The following EPHA6 variants were observed in gnomAD, a reference collection of about 807,000 sequenced individuals.
EPHA6 encodes the protein EPH receptor A6, also known as ephrin type-A receptor 6.
Under a neutral mutation model 112.0 loss-of-function variants are expected in EPHA6, and 50 were observed. The ratio of observed to expected loss-of-function variants is 0.45; its 90% CI spans 0.36 to 0.56. EPHA6 has a LOEUF of 0.56. EPHA6 is among the 20% of genes least tolerant of loss of function. EPHA6 has a pLI of 0.00. For synonymous variants in EPHA6, 529 were observed against 490.7 expected (o/e 1.08, Z -1.03); for missense variants, 1,280 against 1,417.4 (o/e 0.90, Z 1.56).
chr3:97,106,304 G>T (rs1354967248), intron 3 of EPHA6, among the ~76,000 whole-genome samples: 1 of 151,938 alleles, frequency 6.6e-6, no homozygotes, highest in African/African-American at 2.4e-5. Flanking sequence ...GGCAAACTCA[G>T]ACTGATTCAA....
intron 10 of EPHA6, among the ~76,000 whole-genome samples, chr3:97,496,880 C>A (rs760135066): frequency 3.3e-5 from 5 of 152,072 alleles, no homozygotes; most frequent in Non-Finnish European, 5.9e-5. Flanking sequence ...GTCATGAAAT[C>A]ATTATTTAGG....
intron 6 of EPHA6, among the ~76,000 whole-genome samples, chr3:97,426,856 G>C (rs1004224474): frequency 6.6e-6 from 1 of 151,890 alleles, no homozygotes; most frequent in Non-Finnish European, 1.5e-5. Flanking sequence ...CAGGCGAAAG[G>C]CAGCCTCATT....
intron 5 of EPHA6, among the ~76,000 whole-genome samples, chr3:97,277,623 A>G (rs115290735): frequency 0.031 from 4,733 of 152,304 alleles, 242 homozygotes; most frequent in African/African-American, 0.11. Context: ...ATAGCTTGTT[A>G]CTGTACTTAG....
intron 2 of EPHA6, among the ~76,000 whole-genome samples, chr3:96,962,660 C>G (rs2041987372): frequency 6.6e-6 from 1 of 150,562 alleles, no homozygotes; most frequent in African/African-American, 2.5e-5. Flanking sequence ...TTAGCTAAAA[C>G]AAATTAGCCT....
At chr3:97,172,257 G>A (rs1465972681) in intron 3 of EPHA6, among the ~76,000 whole-genome samples, 1 of 151,962 alleles carries the variant, frequency 6.6e-6, no homozygotes, top group Non-Finnish European at 1.5e-5. Context: ...CCTATTTTCT[G>A]TCTCCTCTGG....
chr3:96,940,581 G>A (rs1352601796), intron 2 of EPHA6, among the ~76,000 whole-genome samples: 1 of 152,162 alleles, frequency 6.6e-6, no homozygotes, highest in Non-Finnish European at 1.5e-5. Flanking sequence ...TTTAGTTGGA[G>A]CATTTAGTCC....
At chr3:96,828,056 G>T (rs986825039) in intron 1 of EPHA6, among the ~76,000 whole-genome samples, 1 of 151,870 alleles carries the variant, frequency 6.6e-6, no homozygotes, top group African/African-American at 2.4e-5. Context: ...TGAAACTTTC[G>T]CCAGTCTGTT....
chr3:97,592,577 G>T, intron 11 of EPHA6, 35 bp from the exon 12 acceptor site: 1 of 1,610,542 alleles, frequency 6.2e-7, no homozygotes, highest in Non-Finnish European at 8.5e-7. Context: ...CCATAAAGAA[G>T]ACTTTGATTA....
At chr3:97,439,457 A>G (rs2090025299) in intron 6 of EPHA6, 1 of 174,956 alleles carries the variant, frequency 5.7e-6, no homozygotes, top group African/African-American at 2.4e-5. Context: ...CCACCAAGGA[A>G]CTTCTTAACC....
chr3:97,586,631 A>G (rs2093490989), intron 11 of EPHA6, among the ~76,000 whole-genome samples: 1 of 152,258 alleles, frequency 6.6e-6, no homozygotes, highest in East Asian at 1.9e-4. Flanking sequence ...AGTAAGGATA[A>G]ATGAAATTAG....
intron 3 of EPHA6, among the ~76,000 whole-genome samples, chr3:97,030,644 T>C (rs2044795926): frequency 6.6e-6 from 1 of 151,854 alleles, no homozygotes. Flanking sequence ...GGTGCATAAT[T>C]ATTACCTCAT....
intron 3 of EPHA6, among the ~76,000 whole-genome samples, chr3:97,027,708 C>T (rs976642460): frequency 3.3e-5 from 5 of 152,154 alleles, no homozygotes; most frequent in Admixed American, 6.5e-5. Flanking sequence ...TTATAACAGT[C>T]TCAGTTCCTT....
intron 1 of EPHA6, among the ~76,000 whole-genome samples, chr3:96,855,683 GA>G (rs764764086): frequency 0.021 from 2,819 of 132,320 alleles, 83 homozygotes; most frequent in African/African-American, 0.07. Context: ...CTTTGAAAAT[GA>G]AAAAAAAAAA....
At chr3:96,975,978 T>C (rs1559636793) in intron 2 of EPHA6, among the ~76,000 whole-genome samples, 1 of 152,186 alleles carries the variant, frequency 6.6e-6, no homozygotes, top group Non-Finnish European at 1.5e-5. Context: ...GGAGTTGTAA[T>C]GTTTTGTATT....
intron 11 of EPHA6, among the ~76,000 whole-genome samples, chr3:97,549,816 TAATAA>T (rs547293946): frequency 7.9e-5 from 12 of 151,410 alleles, no homozygotes; most frequent in East Asian, 1.9e-4. Flanking sequence ...GTCTCCAAAA[TAATAA>T]AATAAAATAA....
intron 5 of EPHA6, among the ~76,000 whole-genome samples, chr3:97,303,569 C>G (rs2081186136): frequency 6.6e-6 from 1 of 151,964 alleles, no homozygotes; most frequent in Non-Finnish European, 1.5e-5. Context: ...TAGCACCTTT[C>G]TGGTACCAAA....
intron 5 of EPHA6, among the ~76,000 whole-genome samples, chr3:97,318,145 A>T (rs986797178): frequency 7.2e-5 from 11 of 151,928 alleles, no homozygotes; most frequent in Non-Finnish European, 5.9e-5. Flanking sequence ...AAACACAATT[A>T]AGCCATCATG....
At chr3:97,220,887 A>G (rs1003005956) in intron 3 of EPHA6, among the ~76,000 whole-genome samples, 1 of 152,256 alleles carries the variant, frequency 6.6e-6, no homozygotes, top group Non-Finnish European at 1.5e-5. Flanking sequence ...TAACTTGCAG[A>G]AACTGTGGAG....
intron 14 of EPHA6, among the ~76,000 whole-genome samples, chr3:97,662,765 CAG>C (rs2094178206): frequency 6.6e-6 from 1 of 152,140 alleles, no homozygotes; most frequent in South Asian, 2.1e-4. Context: ...AACAAAAAAA[CAG>C]ATAAATAAAG....
Sources: allele counts gnomAD v4.1 joint callset (sites outside exome capture counted in the v4.1 genomes callset), GRCh38; gene constraint gnomAD v4.1.1; transcripts MANE v1.5; gene names NCBI Gene and HGNC (gene_info 2026-07-23, HGNC 2026-07-21).